Variants in TSHR observed in about 807,000 individuals in gnomAD.
TSHR encodes the protein thyroid stimulating hormone receptor, also known as thyrotropin receptor.
Under a neutral mutation model 64.1 loss-of-function variants are expected in TSHR, and 51 were observed. That is an observed-to-expected ratio of 0.80 (90% CI 0.64 to 1.01). The LOEUF is 1.01. Ranked by LOEUF, TSHR falls within the 50% of genes least tolerant of loss-of-function variation. The pLI, the probability that TSHR is intolerant of heterozygous loss-of-function variation, is 0.00. For synonymous variants in TSHR, 361 were observed against 361.9 expected, an observed-to-expected ratio of 1.00 and a Z score of 0.03; for missense variants, 877 against 942.8, an observed-to-expected ratio of 0.93 and a Z score of 0.91.
intron 8 of TSHR, chr14:81,108,773 C>T (rs1033529567): frequency 8.7e-6 from 14 of 1,600,246 alleles, no homozygotes; most frequent in Non-Finnish European, 1.2e-5. Flanking sequence ...ATGCAAGATC[C>T]ACAACTAGAT....
intron 1 of TSHR, among the ~76,000 whole-genome samples, chr14:81,054,465 T>C (rs1885631898): frequency 6.6e-6 from 1 of 152,208 alleles, no homozygotes; most frequent in African/African-American, 2.4e-5. Flanking sequence ...AGGCAGAGGC[T>C]AGAGCAGTTT....
At chr14:81,076,157 C>T (rs1417112840) in intron 3 of TSHR, among the ~76,000 whole-genome samples, 1 of 152,200 alleles carries the variant, frequency 6.6e-6, no homozygotes, top group African/African-American at 2.4e-5. Flanking sequence ...TCTTAAAAGG[C>T]TATATGCAAG....
intron 5 of TSHR, 46 bp from the exon 6 acceptor site, chr14:81,092,485 A>AG (rs1481213448): frequency 6.4e-7 from 1 of 1,573,438 alleles, no homozygotes; most frequent in Non-Finnish European, 8.7e-7. Context: ...CTGCTGCAGA[A>AG]GGAAAGCATT....
At chr14:80,959,254 G>C (rs1408038701) in intron 1 of TSHR, among the ~76,000 whole-genome samples, 1 of 152,060 alleles carries the variant, frequency 6.6e-6, no homozygotes, top group Non-Finnish European at 1.5e-5. Flanking sequence ...GAACATTCTA[G>C]AATCTTTGAT....
At chr14:81,026,123 A>T (rs1234005397) in intron 1 of TSHR, among the ~76,000 whole-genome samples, 1 of 152,240 alleles carries the variant, frequency 6.6e-6, no homozygotes, top group Non-Finnish European at 1.5e-5. Context: ...GGAAGACCAG[A>T]TGAGAAACTG....
rs1197078297 is a variant in TSHR at position 81,145,496 on chromosome 14, C to A, written c.*1143C>A. The A allele has an allele frequency of 8.2e-6, 1 of 121,226 alleles. No individual in the cohort carries two copies. The highest frequency in any genetic ancestry group is 1.5e-5 in the Non-Finnish European group (1 of 67,118). 7.5% of individuals were successfully genotyped at this position (121,226 alleles called of 1,614,324 possible). On this transcript the variant is annotated 3_prime_UTR_variant, in exon 10 of 10. Coordinates refer to ENST00000298171, the MANE Select transcript of TSHR (RefSeq NM_000369.5). ...ATCATTCATTTAATTACTAGATCTA[C>A]CCAGCTGTTATATCAGGCCAAAAAC...
chr14:81,140,721 T>C (rs1371236465), intron 9 of TSHR, among the ~76,000 whole-genome samples: 1 of 152,222 alleles, frequency 6.6e-6, no homozygotes, highest in African/African-American at 2.4e-5. Context: ...TCAGTCCTCC[T>C]CAGCTTCTAT....
At chr14:81,072,233 G>A (rs1004956116) in intron 3 of TSHR, among the ~76,000 whole-genome samples, 2 of 152,174 alleles carry the variant, frequency 1.3e-5, no homozygotes, top group Non-Finnish European at 1.5e-5. Context: ...ATTTACATTT[G>A]ATTAAATCAT....
rs185322124 is a variant in TSHR, at chr14:81,027,059, C to T, written c.171-35089C>T. On this transcript the variant is annotated intron_variant, in intron 1 of 9. Transcript: ENST00000298171. ...CTCAAAAAAAAAAAAAAAAGAAAGG[C>T]CTTAATGGGAACAGCAATGTTGCCC... Among the ~76,000 whole-genome samples the T allele has an allele frequency of 4.3e-3, 649 of 149,724 alleles. 8 individuals are homozygous for T. Among genetic ancestry groups the T allele is most frequent in the African/African-American group, 0.015 (625 of 40,340 alleles).
chr14:81,020,407 C>T, intron 1 of TSHR, among the ~76,000 whole-genome samples: 1 of 152,208 alleles, frequency 6.6e-6, no homozygotes, highest in East Asian at 1.9e-4. Flanking sequence ...CCCCATCCCT[C>T]ACATTACCAC....
chr14:81,092,097 C>T (rs537669493), intron 5 of TSHR, among the ~76,000 whole-genome samples: 81 of 152,274 alleles, frequency 5.3e-4, no homozygotes, highest in Non-Finnish European at 2.8e-4. Flanking sequence ...AGGAGCCTGG[C>T]GAAGTTTGGC....
intron 7 of TSHR, chr14:81,104,658 G>A: frequency 1.0e-6 from 1 of 985,362 alleles, no homozygotes; most frequent in South Asian, 4.7e-5. Context: ...CACACATATA[G>A]TACACATAAT....
Position 81,144,406 on chromosome 14 carries a change from T to G in TSHR, c.*53T>G. 1 of 1,576,820 alleles carries G rather than the reference T, an allele frequency of 6.3e-7. No individual in the cohort carries two copies. The highest frequency in any genetic ancestry group is 8.7e-7 in the Non-Finnish European group (1 of 1,149,420). On this transcript the variant is annotated 3_prime_UTR_variant, in exon 10 of 10. Coordinates refer to ENST00000298171, the MANE Select transcript of TSHR (RefSeq NM_000369.5). ...GGGGAACTTACAAAATAATAGTTTC[T>G]TGAATATGCATTCCAATCCCATGAC...
chr14:81,108,667 A>AG, intron 8 of TSHR: 1 of 1,614,056 alleles, frequency 6.2e-7, no homozygotes, highest in Non-Finnish European at 8.5e-7. Context: ...CCCACGCTCC[A>AG]GTATGCCATC....
At chr14:80,975,447 T>A (rs1356521932) in intron 1 of TSHR, among the ~76,000 whole-genome samples, 1 of 152,130 alleles carries the variant, frequency 6.6e-6, no homozygotes, top group Non-Finnish European at 1.5e-5. Context: ...CTAAACACAC[T>A]CAAGTATCTT....
intron 1 of TSHR, among the ~76,000 whole-genome samples, chr14:81,048,507 C>T (rs1288470500): frequency 6.6e-6 from 1 of 152,032 alleles, no homozygotes; most frequent in Admixed American, 6.6e-5. Context: ...GGTGTATGTG[C>T]GAGTGTGTCC....
intron 1 of TSHR, among the ~76,000 whole-genome samples, chr14:81,056,489 G>T (rs1320658110): frequency 6.6e-6 from 1 of 152,048 alleles, no homozygotes; most frequent in Non-Finnish European, 1.5e-5. Context: ...GTAGACTTGT[G>T]CATCTCACTG....
Position 80,955,763 on chromosome 14 carries a change from C to T in TSHR, c.83C>T (p.Pro28Leu), listed in dbSNP as rs1886634720. The change falls in exon 1 of 10, where the codon CCC (proline) becomes CTC (leucine). Residue 28 changes from proline to leucine, a missense_variant. Coordinates refer to ENST00000298171, the MANE Select transcript of TSHR (RefSeq NM_000369.5). ...GGCGGAATGGGGTGTTCGTCTCCACCCTGCGAGTGCCATCAGGAGGAGGAC... is the reference window on the plus strand; with the variant it reads ...GGCGGAATGGGGTGTTCGTCTCCACTCTGCGAGTGCCATCAGGAGGAGGAC... The part of the protein sequence containing the change: ...DLGGMGCSSP[P>L]CECHQEEDFR... 1.9e-6 allele frequency: 3 copies of T among 1,614,190 alleles called. No individual in the cohort carries two copies. Among genetic ancestry groups the T allele is most frequent in the Non-Finnish European group, 2.5e-6 (3 of 1,180,040 alleles).
At chr14:81,099,415 G>A (rs1456165081) in intron 7 of TSHR, 8 of 152,170 alleles carry the variant, frequency 5.3e-5, no homozygotes, top group Non-Finnish European at 1.0e-4. Context: ...TCACCAAGGT[G>A]TGAACATCCA....
Sources: allele counts gnomAD v4.1 joint callset (sites outside exome capture counted in the v4.1 genomes callset), GRCh38; gene constraint gnomAD v4.1.1; transcripts MANE v1.5; gene names NCBI Gene and HGNC (gene_info 2026-07-23, HGNC 2026-07-21).